SAMD12: variants seen among roughly 807,000 people sequenced by gnomAD.
The protein encoded by SAMD12 is sterile alpha motif domain containing 12.
A neutral mutation model predicts 15.0 loss-of-function variants in SAMD12; 9 were observed. That is an observed-to-expected ratio of 0.60 (90% CI 0.36 to 1.05). The LOEUF (loss-of-function observed/expected upper bound fraction) is 1.05. Among genes scored for constraint, SAMD12 ranks in the 50% least tolerant of loss-of-function variants. The pLI, the probability that SAMD12 is intolerant of heterozygous loss-of-function variation, is 0.01. For missense variants in SAMD12, 230 were observed against 234.2 expected (o/e 0.98, Z 0.12); for synonymous variants, 86 against 90.1 (o/e 0.96, Z 0.25).
chr8:118,270,000 C>T (rs1170145059), intron 4 of SAMD12, among the ~76,000 whole-genome samples: 1 of 152,008 alleles, frequency 6.6e-6, no homozygotes, highest in Non-Finnish European at 1.5e-5. Flanking sequence ...TTAGTGTCTG[C>T]CACAATAAAT....
At chr8:118,352,730 A>G (rs1416245188) in intron 4 of SAMD12, among the ~76,000 whole-genome samples, 1 of 152,222 alleles carries the variant, frequency 6.6e-6, no homozygotes, top group Non-Finnish European at 1.5e-5. Context: ...TCTCAAAGGA[A>G]TATTTTTAAA....
In SAMD12 at chr8:118,233,878, C is replaced by T. The variant is rs112363702; in HGVS notation, c.434-36146G>A. Among the ~76,000 whole-genome samples the T allele has an allele frequency of 1.3e-3, 204 of 152,240 alleles. 1 individual carries two copies. The highest frequency in any genetic ancestry group is 4.7e-3 in the African/African-American group (194 of 41,548). On this transcript the variant is annotated intron_variant, in intron 4 of 4. Coordinates refer to the SAMD12 transcript ENST00000409003. ...TTCCCATGAGAACAGGGGTCTCTGACGAGTCCAAAGGATGGGGTAGCTCCA... is the reference window on the plus strand; with the variant it reads ...TTCCCATGAGAACAGGGGTCTCTGATGAGTCCAAAGGATGGGGTAGCTCCA...
At chr8:118,226,708 T>C (rs530679284) in intron 4 of SAMD12, among the ~76,000 whole-genome samples, 1 of 152,248 alleles carries the variant, frequency 6.6e-6, no homozygotes, top group East Asian at 1.9e-4. Flanking sequence ...GAAAAATAAT[T>C]AGAATCCAGT....
chr8:118,476,231 G>A lies in SAMD12; in HGVS notation c.193-36270C>T, dbSNP rs146083863. On this transcript the variant is annotated intron_variant, in intron 2 of 3. Coordinates refer to ENST00000314727, the MANE Select transcript of SAMD12 (RefSeq NM_207506.3). Reference sequence around the variant, plus strand: ...AGGAGAGACACAATCTTAGCTGCACGTTGCAGGTGTGTCCTCTGCCATCCC... The same window carrying A: ...AGGAGAGACACAATCTTAGCTGCACATTGCAGGTGTGTCCTCTGCCATCCC... 1.3e-3 allele frequency among the ~76,000 whole-genome samples: 199 copies of A among 152,286 alleles called. No homozygotes were observed. In the Middle Eastern group the frequency reaches 0.02, roughly 16 times the overall value.
intron 1 of SAMD12, among the ~76,000 whole-genome samples, chr8:118,593,622 T>C (rs1285024096): frequency 6.6e-6 from 1 of 152,192 alleles, no homozygotes; most frequent in African/African-American, 2.4e-5. Flanking sequence ...GATTATCACA[T>C]AAAGTCCTAT....
intron 4 of SAMD12, among the ~76,000 whole-genome samples, chr8:118,266,224 T>C (rs1813195835): frequency 6.6e-6 from 1 of 152,132 alleles, no homozygotes; most frequent in South Asian, 2.1e-4. Context: ...TCCCACCAGG[T>C]CTGTCCCTTG....
At chr8:118,243,760 C>G (rs944920528) in intron 4 of SAMD12, among the ~76,000 whole-genome samples, 4 of 152,024 alleles carry the variant, frequency 2.6e-5, no homozygotes, top group African/African-American at 9.7e-5. Flanking sequence ...AGGATTATGT[C>G]CCTGAAAGAT....
chr8:118,497,260 A>T (rs1309511357), intron 2 of SAMD12, among the ~76,000 whole-genome samples: 1 of 152,204 alleles, frequency 6.6e-6, no homozygotes, highest in Non-Finnish European at 1.5e-5. Context: ...CCAAAAATAC[A>T]CATGCACCTA....
At chr8:118,446,003 G>A (rs1822900306) in intron 2 of SAMD12, among the ~76,000 whole-genome samples, 1 of 152,144 alleles carries the variant, frequency 6.6e-6, no homozygotes, top group Non-Finnish European at 1.5e-5. Context: ...GATTATCGAA[G>A]CCTAAATTTT....
chr8:118,446,634 T>C (rs569639641), intron 2 of SAMD12, among the ~76,000 whole-genome samples: 18 of 152,334 alleles, frequency 1.2e-4, no homozygotes, highest in Non-Finnish European at 1.9e-4. Context: ...GGCCACACCA[T>C]TGTTAATAAA....
At chr8:118,286,234 G>A (rs143795605) in intron 4 of SAMD12, among the ~76,000 whole-genome samples, 1 of 151,440 alleles carries the variant, frequency 6.6e-6, no homozygotes, top group African/African-American at 2.4e-5. Flanking sequence ...AGTTAATGGG[G>A]GCAGCACACC....
intron 4 of SAMD12, among the ~76,000 whole-genome samples, chr8:118,262,966 AT>A (rs1041938859): frequency 4.6e-5 from 7 of 152,054 alleles, no homozygotes; most frequent in African/African-American, 1.7e-4. Flanking sequence ...CATTAGTTTT[AT>A]TTTTATAATT....
chr8:118,605,811 T>C (rs866689918), intron 1 of SAMD12, among the ~76,000 whole-genome samples: 2 of 38,638 alleles, frequency 5.2e-5, no homozygotes, highest in African/African-American at 3.4e-4. Flanking sequence ...TATATATATA[T>C]ATATATATAT....
chr8:118,522,640 T>A (rs1311310622), intron 2 of SAMD12, among the ~76,000 whole-genome samples: 1 of 152,192 alleles, frequency 6.6e-6, no homozygotes, highest in African/African-American at 2.4e-5. Flanking sequence ...AGTTTAATTG[T>A]AAACCTTGTC....
intron 4 of SAMD12, among the ~76,000 whole-genome samples, chr8:118,223,299 C>T (rs1446855536): frequency 6.6e-6 from 1 of 152,166 alleles, no homozygotes; most frequent in Non-Finnish European, 1.5e-5. Flanking sequence ...AGACTTCTCT[C>T]CTATACATTA....
the SAMD12 span, among the ~76,000 whole-genome samples, chr8:118,135,832 A>C: frequency 6.6e-6 from 1 of 152,094 alleles, no homozygotes; most frequent in Non-Finnish European, 1.5e-5. Context: ...TACAGGCGTG[A>C]GCCACCATGC....
rs138574849 is a variant in SAMD12 at position 118,286,333 on chromosome 8, C to A, written c.434-88601G>T. On this transcript the variant is annotated intron_variant, in intron 4 of 4. Coordinates refer to the SAMD12 transcript ENST00000409003. ...AAATATAATTAAAAAAAAAAGAAAG[C>A]AAGCTGTGTTGGGCACTTCTCTCTG... 6.7e-3 allele frequency among the ~76,000 whole-genome samples: 1,022 copies of A among 152,016 alleles called. 13 individuals carry two copies. The highest frequency in any genetic ancestry group is 0.023 in the African/African-American group (962 of 41,458).
chr8:118,148,309 C>T, the SAMD12 span, among the ~76,000 whole-genome samples: 1 of 152,120 alleles, frequency 6.6e-6, no homozygotes, highest in Non-Finnish European at 1.5e-5. Flanking sequence ...AGAGATCCTC[C>T]TGCCTCAGCC....
At chr8:118,419,863 C>T (rs1361088614) in intron 3 of SAMD12, among the ~76,000 whole-genome samples, 2 of 152,166 alleles carry the variant, frequency 1.3e-5, no homozygotes, top group Non-Finnish European at 2.9e-5. Flanking sequence ...TTTGAAACTG[C>T]TCCCTTGGAA....
Sources: gnomAD v4.1 joint callset for allele counts (sites outside exome capture counted in the v4.1 genomes callset) on GRCh38, gnomAD v4.1.1 for gene constraint, MANE v1.5 for transcripts, NCBI Gene and HGNC (gene_info 2026-07-23, HGNC 2026-07-21) for gene names.